Variants in SYPL1 observed in about 807,000 individuals in gnomAD.
The protein encoded by SYPL1 is synaptophysin-like protein 1.
In SYPL1, 6 loss-of-function variants were observed where a neutral mutation model predicts 23.7. The ratio of observed to expected loss-of-function variants is 0.25; its 90% CI spans 0.14 to 0.50. The LOEUF is 0.50. SYPL1 is among the 20% of genes least tolerant of loss of function. The pLI, the probability that SYPL1 is intolerant of heterozygous loss-of-function variation, is 0.98. For synonymous variants in SYPL1, 102 were observed against 104.5 expected, an observed-to-expected ratio of 0.98 and a Z score of 0.15; for missense variants, 253 against 288.9, an observed-to-expected ratio of 0.88 and a Z score of 0.90.
chr7:106,090,523 T>G lies in SYPL1; in HGVS notation c.*1282A>C, dbSNP rs1585931682. On this transcript the variant is annotated 3_prime_UTR_variant, in exon 5 of 5. Coordinates refer to ENST00000455385, the MANE Select transcript of SYPL1 (RefSeq NM_182715.4). ...TGCACTCTTTCTTTCAACTCCTTTATTAAATTGGTTGCAAAAAAGATATAC... is the reference window on the plus strand; with the variant it reads ...TGCACTCTTTCTTTCAACTCCTTTAGTAAATTGGTTGCAAAAAAGATATAC... 6.5e-6 allele frequency: 1 copy of G among 152,742 alleles called. No individual in the cohort carries two copies. The highest frequency in any genetic ancestry group is 2.1e-4 in the South Asian group (1 of 4,780). 9.5% of individuals were successfully genotyped at this position (152,742 alleles called of 1,614,324 possible).
At chr7:106,099,393 C>A in intron 1 of SYPL1, 111 bp from the exon 2 acceptor site, 1 of 1,300,646 alleles carries the variant, frequency 7.7e-7, no homozygotes, top group South Asian at 1.5e-5. Flanking sequence ...AATTGGCTAA[C>A]ATTCTAGAAA....
At chr7:106,101,114 A>C (rs1159085990) in intron 1 of SYPL1, among the ~76,000 whole-genome samples, 1 of 152,018 alleles carries the variant, frequency 6.6e-6, no homozygotes, top group Non-Finnish European at 1.5e-5. Flanking sequence ...TCACCACACT[A>C]TATCAAATAA....
chr7:106,112,349 G>A (rs531418959), upstream of SYPL1: 41 of 1,257,102 alleles, frequency 3.3e-5, no homozygotes, highest in South Asian at 1.1e-3. Flanking sequence ...GGCGGCCGTG[G>A]GGCGGGGCGG....
rs1840461407 is a variant in SYPL1, at chr7:106,104,056, A to AC, written c.70-4775dup. 6.6e-6 allele frequency among the ~76,000 whole-genome samples: 1 copy of AC among 152,200 alleles called. No individual in the cohort carries two copies. The highest frequency in any genetic ancestry group is 2.1e-4 in the South Asian group (1 of 4,828). On this transcript the variant is annotated intron_variant, in intron 1 of 4. Coordinates refer to ENST00000455385, the MANE Select transcript of SYPL1 (RefSeq NM_182715.4). The surrounding 1 kb of genome is among the most constrained non-coding windows in gnomAD (Gnocchi z 4.1). ...ATACTGCTTACTGTTCCTGAAACAT[A>AC]CCATGTATTTATGTCTTAAATGTAT... is the stretch of plus-strand genomic sequence containing the variant.
rs181019363 is a variant in SYPL1, at chr7:106,109,394, T to C, written c.69+2746A>G. On this transcript the variant is annotated intron_variant, in intron 1 of 4. Transcript: ENST00000455385. The surrounding 1 kb of genome is among the most constrained non-coding windows in gnomAD (Gnocchi z 4.3). ...TGCTCTTGCTAACTAGTCCTTATTTTATCAACTAGTCCTTATTTTACTTTA... is the reference window on the plus strand; with the variant it reads ...TGCTCTTGCTAACTAGTCCTTATTTCATCAACTAGTCCTTATTTTACTTTA... 5.3e-5 allele frequency among the ~76,000 whole-genome samples: 8 copies of C among 152,362 alleles called. No homozygotes were observed. The East Asian group carries it at 1.5e-3, about 29-fold the overall frequency.
chr7:106,106,801 G>A (rs907202648), intron 1 of SYPL1, among the ~76,000 whole-genome samples: 3 of 144,286 alleles, frequency 2.1e-5, no homozygotes, highest in African/African-American at 5.2e-5. Flanking sequence ...AGTTGTGATC[G>A]TGCCACTGCA....
At chr7:106,110,649 T>C (rs1469298545) in intron 1 of SYPL1, among the ~76,000 whole-genome samples, 1 of 152,218 alleles carries the variant, frequency 6.6e-6, no homozygotes, top group African/African-American at 2.4e-5. Flanking sequence ...ACTGAAAGTA[T>C]TTCTGTAAGA....
intron 4 of SYPL1, 135 bp downstream of exon 4, chr7:106,092,814 A>T: frequency 1.3e-6 from 1 of 753,894 alleles, no homozygotes; most frequent in Non-Finnish European, 2.0e-6. Flanking sequence ...TAAACACTAT[A>T]TTGTTACTAG....
At chr7:106,108,262 T>C (rs1226445435) in intron 1 of SYPL1, among the ~76,000 whole-genome samples, 1 of 152,238 alleles carries the variant, frequency 6.6e-6, no homozygotes, top group East Asian at 1.9e-4. Context: ...TATTTTCATG[T>C]CTTCTGGAGT....
At chr7:106,099,353 A>G (rs2116128223) in intron 1 of SYPL1, 71 bp from the exon 2 acceptor site, 5 of 1,508,656 alleles carry the variant, frequency 3.3e-6, no homozygotes, top group Non-Finnish European at 4.5e-6. Flanking sequence ...AACAAGGGTC[A>G]CTAAAACTGT....
At chr7:106,099,683 T>C (rs1840215524) in intron 1 of SYPL1, among the ~76,000 whole-genome samples, 1 of 152,156 alleles carries the variant, frequency 6.6e-6, no homozygotes, top group African/African-American at 2.4e-5. Flanking sequence ...TGTGAGTCAC[T>C]GTGCCCAGCC....
At chr7:106,099,872 G>T (rs948381287) in intron 1 of SYPL1, among the ~76,000 whole-genome samples, 2 of 152,112 alleles carry the variant, frequency 1.3e-5, no homozygotes, top group African/African-American at 4.8e-5. Flanking sequence ...AAACTAAGAT[G>T]GTGAAAGACA....
At position 106,109,130 on chromosome 7, in the gene SYPL1, T is replaced by C. The variant is rs1052462282; in HGVS notation, c.69+3010A>G. On this transcript the variant is annotated intron_variant, in intron 1 of 4. Coordinates refer to ENST00000455385, the MANE Select transcript of SYPL1 (RefSeq NM_182715.4). The surrounding 1 kb of genome is among the most constrained non-coding windows in gnomAD (Gnocchi z 4.3). ...TTATTAAACCTTGACCCTTGAGTTC[T>C]CTTGTCAGTAGGATAAAATGGGAAA... Among the ~76,000 whole-genome samples, 1 of 152,266 alleles carries C rather than the reference T, an allele frequency of 6.6e-6. No homozygotes were observed. The highest frequency in any genetic ancestry group is 1.5e-5 in the Non-Finnish European group (1 of 68,048).
At chr7:106,106,254 A>G (rs1247956742) in intron 1 of SYPL1, among the ~76,000 whole-genome samples, 1 of 152,182 alleles carries the variant, frequency 6.6e-6, no homozygotes, top group African/African-American at 2.4e-5. Context: ...GGAGTGCAAA[A>G]AAGACTCTGG....
At chr7:106,102,285 G>A (rs979593580) in intron 1 of SYPL1, among the ~76,000 whole-genome samples, 23 of 152,080 alleles carry the variant, frequency 1.5e-4, no homozygotes, top group African/African-American at 5.3e-4. Flanking sequence ...CGGTAGAGAC[G>A]GGGTTTCACC....
At chr7:106,112,463 TCTC>T (rs1041768237), upstream of SYPL1, 7 of 1,486,380 alleles carry the variant, frequency 4.7e-6, no homozygotes, top group East Asian at 5.9e-5. Context: ...CCGGGAGGCT[TCTC>T]CTCAGGCCGC....
chr7:106,093,263 C>A, intron 3 of SYPL1, 126 bp from the exon 4 acceptor site: 1 of 891,392 alleles, frequency 1.1e-6, no homozygotes, highest in Non-Finnish European at 1.6e-6. Context: ...TCATGATATA[C>A]TTTATTAAAA....
In SYPL1 at chr7:106,100,283, G is replaced by T. The variant is rs1163766886; in HGVS notation, c.70-1001C>A. Among the ~76,000 whole-genome samples, 1 of 152,126 alleles carries T rather than the reference G, an allele frequency of 6.6e-6. No individual in the cohort carries two copies. The highest frequency in any genetic ancestry group is 1.5e-5 in the Non-Finnish European group (1 of 68,024). Reference sequence around the variant, plus strand: ...CATCTAAAACACAAAAAACCTAGAAGCAACCTAAATGTTGACAGGGAATCA... The same window carrying T: ...CATCTAAAACACAAAAAACCTAGAATCAACCTAAATGTTGACAGGGAATCA... On this transcript the variant is annotated intron_variant, in intron 1 of 4. Transcript: ENST00000455385. This position sits in a 1 kb window ranked among gnomAD's most constrained non-coding sequence, Gnocchi z 5.1.
chr7:106,092,897 G>T, intron 4 of SYPL1, 52 bp downstream of exon 4: 7 of 1,389,466 alleles, frequency 5.0e-6, no homozygotes, highest in Non-Finnish European at 5.7e-6. Context: ...TGAATTACTA[G>T]TACTTTAAAC....
Sources: allele counts gnomAD v4.1 joint callset (sites outside exome capture counted in the v4.1 genomes callset), GRCh38; gene constraint gnomAD v4.1.1; non-coding constraint Gnocchi (gnomAD v3.1); transcripts MANE v1.5; gene names NCBI Gene and HGNC (gene_info 2026-07-23, HGNC 2026-07-21).